Variants in PLCL1 observed in about 807,000 individuals in gnomAD.
The protein encoded by PLCL1 is inactive phospholipase C-like protein 1.
Under a neutral mutation model 84.4 loss-of-function variants are expected in PLCL1, and 41 were observed. That is an observed-to-expected ratio of 0.49 (90% CI 0.38 to 0.63). PLCL1 has a LOEUF of 0.63. PLCL1 is among the 30% of genes least tolerant of loss of function. PLCL1 has a pLI of 0.00. For missense variants in PLCL1, 1,206 were observed against 1,367.8 expected (o/e 0.88, Z 1.87); for synonymous variants, 490 against 488.3 (o/e 1.00, Z -0.05).
chr2:198,084,305 C>T lies in PLCL1; in HGVS notation c.788C>T (p.Thr263Ile), dbSNP rs778571133. The T allele has an allele frequency of 9.3e-6, 15 of 1,613,934 alleles. No individual in the cohort carries two copies. The highest frequency in any genetic ancestry group is 1.3e-5 in the Non-Finnish European group (15 of 1,179,860). The part of the protein sequence containing the change: ...VDGNGIMLED[T>I]SVELIKQLNP... ...GGGAATGGGATTATGTTGGAAGACA[C>T]CTCTGTAGAGTTAATAAAACAACTC... The change falls in exon 2 of 6, where the codon ACC becomes ATC. Residue 263 changes from threonine to isoleucine, a missense_variant. Coordinates refer to ENST00000428675, the MANE Select transcript of PLCL1 (RefSeq NM_006226.4).
Position 198,101,290 on chromosome 2 carries a change from T to A in PLCL1, c.2925T>A (p.Ile975=). The A allele has an allele frequency of 6.3e-7, 1 of 1,590,452 alleles. No homozygotes were observed. The highest frequency in any genetic ancestry group is 8.6e-7 in the Non-Finnish European group (1 of 1,159,944). Residue 975 remains isoleucine, a synonymous_variant, in exon 4 of 6, where the codon ATT becomes ATA. Coordinates refer to ENST00000428675, the MANE Select transcript of PLCL1 (RefSeq NM_006226.4). ...TGATGTTTATTTTGTAACAGATGAT[T>A]CAAGAGAGCCGGTTTCTCATAGAAA... is the stretch of plus-strand genomic sequence containing the variant. ...KKMLTAYDLM[I]QESRFLIEMA...
chr2:197,864,230 T>C (rs1204465072), intron 1 of PLCL1, among the ~76,000 whole-genome samples: 1 of 152,076 alleles, frequency 6.6e-6, no homozygotes, highest in Non-Finnish European at 1.5e-5. Flanking sequence ...CCAATTTCAG[T>C]ATATCACATG....
At chr2:197,907,912 A>G (rs1363743159) in intron 1 of PLCL1, among the ~76,000 whole-genome samples, 1 of 152,116 alleles carries the variant, frequency 6.6e-6, no homozygotes, top group Non-Finnish European at 1.5e-5. Context: ...CTTACATTCT[A>G]AGTACTCTCT....
chr2:198,045,831 C>G (rs1031816378), intron 1 of PLCL1, among the ~76,000 whole-genome samples: 5 of 152,130 alleles, frequency 3.3e-5, no homozygotes, highest in African/African-American at 1.2e-4. Context: ...TTAGGTTTAG[C>G]TGTGATTATT....
chr2:197,960,963 T>C (rs1375873008), intron 1 of PLCL1, among the ~76,000 whole-genome samples: 1 of 152,134 alleles, frequency 6.6e-6, no homozygotes, highest in African/African-American at 2.4e-5. Flanking sequence ...TATAAATTTA[T>C]GCTCCACAGG....
At chr2:197,980,324 ATTAAG>A (rs1690076671) in intron 1 of PLCL1, among the ~76,000 whole-genome samples, 1 of 152,164 alleles carries the variant, frequency 6.6e-6, no homozygotes, top group African/African-American at 2.4e-5. Context: ...GGAAGCGGAG[ATTAAG>A]TTAAGTTTCT....
At chr2:197,808,853 C>T (rs974355821) in intron 1 of PLCL1, among the ~76,000 whole-genome samples, 1 of 152,010 alleles carries the variant, frequency 6.6e-6, no homozygotes, top group Non-Finnish European at 1.5e-5. Flanking sequence ...TTTTCAACTT[C>T]CTTTTGTTCT....
chr2:197,823,297 G>A (rs541672197), intron 1 of PLCL1, among the ~76,000 whole-genome samples: 88 of 152,216 alleles, frequency 5.8e-4, no homozygotes, highest in African/African-American at 2.0e-3. Flanking sequence ...AGGTGGTATA[G>A]CACTACCATT....
At chr2:197,961,168 T>A (rs930675186) in intron 1 of PLCL1, among the ~76,000 whole-genome samples, 4 of 152,112 alleles carry the variant, frequency 2.6e-5, no homozygotes, top group South Asian at 2.1e-4. Flanking sequence ...TATTCATTTT[T>A]GTGTGCAAAG....
chr2:197,944,595 A>T (rs1689233363), intron 1 of PLCL1, among the ~76,000 whole-genome samples: 1 of 152,222 alleles, frequency 6.6e-6, no homozygotes, highest in African/African-American at 2.4e-5. Context: ...TTTCACTAGC[A>T]TTGATTTCAA....
chr2:197,951,804 A>G (rs1370900477), intron 1 of PLCL1, among the ~76,000 whole-genome samples: 1 of 152,070 alleles, frequency 6.6e-6, no homozygotes. Context: ...GGTTTAAAAC[A>G]CTCTGAACTG....
chr2:198,055,125 G>A (rs1047628005), intron 1 of PLCL1, among the ~76,000 whole-genome samples: 12 of 152,036 alleles, frequency 7.9e-5, no homozygotes, highest in African/African-American at 2.7e-4. Flanking sequence ...TCTTAGTCAC[G>A]TTGTACAGGT....
rs11270566 is a variant in PLCL1 at position 197,890,701 on chromosome 2, T to TATATATATATGTACAC, written c.240+85363_240+85364insTATATATATGTACACA. Among the ~76,000 whole-genome samples the TATATATATATGTACAC allele has an allele frequency of 3.5e-4, 42 of 118,564 alleles. 1 individual carries two copies. The highest frequency in any genetic ancestry group is 1.6e-3 in the African/African-American group (42 of 26,220). 77.8% of individuals were successfully genotyped at this position (118,564 alleles called of 152,430 possible). A position where few individuals can be genotyped will look rare whatever the true frequency, so the allele number is the denominator to read the frequency against. ...TTTTTGCTATATATATATATATATA[T>TATATATATATGTACAC]ACACACACACATATACGTATATATG... is the stretch of plus-strand genomic sequence containing the variant. On this transcript the variant is annotated intron_variant, in intron 1 of 5. Transcript: ENST00000428675.
intron 1 of PLCL1, among the ~76,000 whole-genome samples, chr2:197,955,765 C>A (rs1379650237): frequency 6.6e-6 from 1 of 151,636 alleles, no homozygotes; most frequent in Non-Finnish European, 1.5e-5. Flanking sequence ...ATATGTACCA[C>A]ATTTTCTTTT....
chr2:197,810,260 T>G (rs1690556631), intron 1 of PLCL1: 1 of 1,248,662 alleles, frequency 8.0e-7, no homozygotes, highest in Non-Finnish European at 1.0e-6. Flanking sequence ...TGCTTCTTAT[T>G]GCAGGGTCTT....
chr2:197,984,780 T>C (rs528306999), intron 1 of PLCL1, among the ~76,000 whole-genome samples: 107 of 152,344 alleles, frequency 7.0e-4, no homozygotes, highest in African/African-American at 2.5e-3. Flanking sequence ...CGGCCTGTTA[T>C]TACTTCGTTG....
intron 1 of PLCL1, among the ~76,000 whole-genome samples, chr2:198,019,565 A>G (rs963562834): frequency 2.6e-5 from 4 of 152,248 alleles, no homozygotes; most frequent in African/African-American, 9.6e-5. Flanking sequence ...GCTGAAAAAC[A>G]CAGCCCAAGA....
intron 5 of PLCL1, among the ~76,000 whole-genome samples, chr2:198,135,306 G>C (rs1343217264): frequency 6.6e-6 from 1 of 152,130 alleles, no homozygotes; most frequent in Non-Finnish European, 1.5e-5. Context: ...ATCACGATCT[G>C]TTACTAAATT....
At chr2:197,863,413 G>C (rs977346223) in intron 1 of PLCL1, among the ~76,000 whole-genome samples, 1 of 152,098 alleles carries the variant, frequency 6.6e-6, no homozygotes, top group Admixed American at 6.6e-5. Context: ...TCTGATAACA[G>C]ATAGATAAAT....
Sources: gnomAD v4.1 joint callset for allele counts (sites outside exome capture counted in the v4.1 genomes callset) on GRCh38, gnomAD v4.1.1 for gene constraint, MANE v1.5 for transcripts, NCBI Gene and HGNC (gene_info 2026-07-23, HGNC 2026-07-21) for gene names.